Variants in SPATA17 observed in about 807,000 individuals in gnomAD.
The protein encoded by SPATA17 is spermatogenesis-associated protein 17.
In SPATA17, 53 loss-of-function variants were observed where a neutral mutation model predicts 62.2. The ratio of observed to expected loss-of-function variants is 0.85; its 90% CI spans 0.68 to 1.07. The LOEUF (loss-of-function observed/expected upper bound fraction) is 1.07, where lower values mean the gene tolerates loss of function less well. Ranked by LOEUF, SPATA17 falls within the 50% of genes least tolerant of loss-of-function variation. SPATA17 has a pLI of 0.00. For synonymous variants in SPATA17, 146 were observed against 146.8 expected (o/e 0.99, Z 0.04); for missense variants, 466 against 425.5 (o/e 1.10, Z -0.84).
At chr1:217,649,433 G>A (rs181686957) in intron 2 of SPATA17, among the ~76,000 whole-genome samples, 3 of 152,228 alleles carry the variant, frequency 2.0e-5, no homozygotes, top group Admixed American at 1.3e-4. Flanking sequence ...GAGCTGAGAA[G>A]GTGCCACTGC....
chr1:217,870,665 A>G lies in SPATA17; in HGVS notation c.*3646A>G, dbSNP rs1399337087. On this transcript the variant is annotated 3_prime_UTR_variant, in exon 11 of 11. Transcript: ENST00000366933. Reference sequence around the variant, plus strand: ...TCTCCAAACTTGATTCTGAATGACTACTGACCACTAAAAACACTAAGAGTA... The same window carrying G: ...TCTCCAAACTTGATTCTGAATGACTGCTGACCACTAAAAACACTAAGAGTA... The G allele has an allele frequency of 6.6e-6, 1 of 152,194 alleles. No homozygotes were observed. Among genetic ancestry groups the G allele is most frequent in the Non-Finnish European group, 1.5e-5 (1 of 68,028 alleles). The allele number at this position is 152,194 out of a possible 1,614,324, so 9.4% of individuals were successfully genotyped here. A position where few individuals can be genotyped will look rare whatever the true frequency, so the allele number is the denominator to read the frequency against.
chr1:217,863,637 A>G (rs538222903), intron 10 of SPATA17, among the ~76,000 whole-genome samples: 69 of 152,324 alleles, frequency 4.5e-4, no homozygotes, highest in African/African-American at 1.2e-3. Context: ...ATCAATGTTT[A>G]GAAGATATAT....
At chr1:217,750,535 C>T (rs1309083266) in intron 6 of SPATA17, among the ~76,000 whole-genome samples, 1 of 152,140 alleles carries the variant, frequency 6.6e-6, no homozygotes, top group African/African-American at 2.4e-5. Context: ...ATAGCATTCT[C>T]CAAAACCAAT....
chr1:217,794,176 T>C (rs1415029885), intron 8 of SPATA17, among the ~76,000 whole-genome samples: 1 of 152,046 alleles, frequency 6.6e-6, no homozygotes, highest in Non-Finnish European at 1.5e-5. Flanking sequence ...ATCTAGGATT[T>C]GGCTATTGGG....
At chr1:217,697,425 T>C (rs1671485027) in intron 5 of SPATA17, among the ~76,000 whole-genome samples, 1 of 152,208 alleles carries the variant, frequency 6.6e-6, no homozygotes, top group Non-Finnish European at 1.5e-5. Flanking sequence ...AACAGCTAAT[T>C]TGCAATCCTG....
chr1:217,781,449 T>C (rs772996157), intron 7 of SPATA17, among the ~76,000 whole-genome samples: 21 of 152,194 alleles, frequency 1.4e-4, no homozygotes, highest in African/African-American at 5.1e-4. Flanking sequence ...AATACGATAC[T>C]AATTAGACAA....
intron 5 of SPATA17, among the ~76,000 whole-genome samples, chr1:217,735,771 T>C (rs960526064): frequency 6.6e-6 from 1 of 152,070 alleles, no homozygotes; most frequent in Non-Finnish European, 1.5e-5. Flanking sequence ...ATAAAAATTA[T>C]AAAGATTCTG....
intron 9 of SPATA17, among the ~76,000 whole-genome samples, chr1:217,840,988 G>A (rs1449306945): frequency 1.3e-5 from 2 of 151,776 alleles, no homozygotes; most frequent in Non-Finnish European, 2.9e-5. Flanking sequence ...GTGCATATAT[G>A]AACATACATA....
chr1:217,850,748 A>G lies in SPATA17; in HGVS notation c.1006-12026A>G, dbSNP rs1675631907. 6 of 702,732 alleles carry G rather than the reference A, an allele frequency of 8.5e-6. No individual in the cohort carries two copies. The Admixed American group carries it at 1.5e-4, about 18-fold the overall frequency. The allele number at this position is 702,732 out of a possible 1,614,324, so 43.5% of individuals were successfully genotyped here. On this transcript the variant is annotated intron_variant, in intron 9 of 10. Coordinates refer to ENST00000366933, the MANE Select transcript of SPATA17 (RefSeq NM_138796.4). ...TTCACCCCTCCAGAATATTTTATTC[A>G]TACATATAGTTTTTATTTTTATGTA...
chr1:217,869,688 C>A lies in SPATA17; in HGVS notation c.*2669C>A, dbSNP rs1676090666. The A allele has an allele frequency of 6.6e-6, 1 of 151,982 alleles. No individual in the cohort carries two copies. Among genetic ancestry groups the A allele is most frequent in the African/African-American group, 2.4e-5 (1 of 41,358 alleles). 9.4% of individuals were successfully genotyped at this position (151,982 alleles called of 1,614,324 possible). A position where few individuals can be genotyped will look rare whatever the true frequency, so the allele number is the denominator to read the frequency against. ...TAAGATCTCTATTTTAATGTTAATG[C>A]TGGTCACTGGTGCCTGAATTCCAAA... On this transcript the variant is annotated 3_prime_UTR_variant, in exon 11 of 11. Transcript: ENST00000366933.
At position 217,739,460 on chromosome 1, in the gene SPATA17, A is replaced by T. The variant is rs143023234; in HGVS notation, c.396-2515A>T. 2.0e-4 allele frequency: 30 copies of T among 152,126 alleles called. No individual in the cohort carries two copies. The East Asian group carries it at 5.8e-3, about 29-fold the overall frequency. The allele number at this position is 152,126 out of a possible 1,614,324, so 9.4% of individuals were successfully genotyped here. ...TAGAGTAATTAGTAAAAGCTATGCC[A>T]TATATATCACAGGATTTTTTTTTGA... On this transcript the variant is annotated intron_variant, in intron 5 of 10. Transcript: ENST00000366933.
intron 8 of SPATA17, among the ~76,000 whole-genome samples, chr1:217,792,613 TGAGA>T (rs1160332092): frequency 1.3e-5 from 2 of 152,220 alleles, no homozygotes; most frequent in East Asian, 3.8e-4. Context: ...TTCAAATTTC[TGAGA>T]GAGAATCTGT....
chr1:217,750,791 T>C (rs1672885725), intron 6 of SPATA17, among the ~76,000 whole-genome samples: 1 of 152,232 alleles, frequency 6.6e-6, no homozygotes, highest in Admixed American at 6.5e-5. Flanking sequence ...TAGAGCAGCA[T>C]GGGATCTTTA....
intron 6 of SPATA17, among the ~76,000 whole-genome samples, chr1:217,771,645 C>T (rs1411477846): frequency 6.6e-6 from 1 of 152,094 alleles, no homozygotes; most frequent in Non-Finnish European, 1.5e-5. Context: ...TTCTAAAATA[C>T]TGACACCTTG....
chr1:217,784,213 C>T (rs763196181), intron 8 of SPATA17, among the ~76,000 whole-genome samples: 10 of 152,010 alleles, frequency 6.6e-5, no homozygotes, highest in African/African-American at 1.4e-4. Context: ...ATAATAATTC[C>T]GTGAAGTATA....
intron 9 of SPATA17, among the ~76,000 whole-genome samples, chr1:217,829,401 C>G (rs1467411396): frequency 1.3e-5 from 2 of 151,488 alleles, no homozygotes; most frequent in African/African-American, 2.4e-5. Context: ...GCCAAGGAGG[C>G]TGGATCATCT....
At chr1:217,719,492 G>A (rs977889206) in intron 5 of SPATA17, among the ~76,000 whole-genome samples, 1 of 152,142 alleles carries the variant, frequency 6.6e-6, no homozygotes, top group Admixed American at 6.5e-5. Flanking sequence ...TACAGTAACA[G>A]ATGCAACAAT....
chr1:217,811,062 C>G (rs1674575389), intron 9 of SPATA17, among the ~76,000 whole-genome samples: 1 of 152,054 alleles, frequency 6.6e-6, no homozygotes, highest in Non-Finnish European at 1.5e-5. Context: ...GAGACAGAGT[C>G]TTGCTCTGTT....
intron 6 of SPATA17, among the ~76,000 whole-genome samples, chr1:217,743,677 T>A (rs1672677107): frequency 6.6e-6 from 1 of 152,052 alleles, no homozygotes; most frequent in African/African-American, 2.4e-5. Flanking sequence ...TGGCGTGATC[T>A]TGGCTCACTG....
Sources: gnomAD v4.1 joint callset for allele counts (sites outside exome capture counted in the v4.1 genomes callset) on GRCh38, gnomAD v4.1.1 for gene constraint, MANE v1.5 for transcripts, NCBI Gene and HGNC (gene_info 2026-07-23, HGNC 2026-07-21) for gene names.